Variants in SORCS3 observed in about 807,000 individuals in gnomAD.
The protein encoded by SORCS3 is VPS10 domain-containing receptor SorCS3.
SORCS3 carries 57 observed loss-of-function variants against 146.3 expected under a neutral mutation model. That is an observed-to-expected ratio of 0.39 (90% confidence interval 0.31 to 0.49). The LOEUF (loss-of-function observed/expected upper bound fraction) is 0.49, where lower values mean the gene tolerates loss of function less well. SORCS3 is among the 20% of genes least tolerant of loss of function. The pLI is 0.92. For missense variants in SORCS3, 1,341 were observed against 1,575.5 expected, an observed-to-expected ratio of 0.85 and a Z score of 2.52; for synonymous variants, 653 against 618.5, an observed-to-expected ratio of 1.06 and a Z score of -0.83.
At chr10:104,737,622 G>A (rs932319899) in intron 1 of SORCS3, among the ~76,000 whole-genome samples, 1 of 152,076 alleles carries the variant, frequency 6.6e-6, no homozygotes, top group Non-Finnish European at 1.5e-5. Context: ...TTTTTGATGG[G>A]GTTGTTTGCT....
intron 20 of SORCS3, among the ~76,000 whole-genome samples, chr10:105,231,147 T>C (rs2056763204): frequency 6.6e-6 from 1 of 152,232 alleles, no homozygotes; most frequent in South Asian, 2.1e-4. Context: ...ATGTGCTTCC[T>C]GTTACTTCTC....
intron 1 of SORCS3, among the ~76,000 whole-genome samples, chr10:104,757,988 G>A (rs1397993665): frequency 1.3e-5 from 2 of 152,020 alleles, no homozygotes; most frequent in African/African-American, 4.8e-5. Context: ...TTTGCAGGAG[G>A]AACTCACATC....
intron 16 of SORCS3, among the ~76,000 whole-genome samples, chr10:105,207,940 T>G (rs552992085): frequency 6.6e-6 from 1 of 152,234 alleles, no homozygotes; most frequent in South Asian, 2.1e-4. Context: ...ATCCCTAGGG[T>G]TAATGGGACA....
intron 2 of SORCS3, among the ~76,000 whole-genome samples, chr10:104,859,773 C>A (rs1213405004): frequency 6.6e-6 from 1 of 152,022 alleles, no homozygotes; most frequent in South Asian, 2.1e-4. Flanking sequence ...TGAACAGACA[C>A]TTCTCAAAAG....
intron 1 of SORCS3, 68 bp downstream of exon 1, chr10:104,642,022 G>GGCCCCC: frequency 1.7e-5 from 3 of 173,334 alleles, no homozygotes; most frequent in African/African-American, 4.4e-5. Context: ...GGGTGGGTGG[G>GGCCCCC]AGCGAGGGAC....
In SORCS3 at chr10:105,262,481, G is replaced by T. The variant is rs148855365; in HGVS notation, c.3594G>T (p.Thr1198=). 1.8e-4 allele frequency: 283 copies of T among 1,613,416 alleles called. No homozygotes were observed. Among genetic ancestry groups the T allele is most frequent in the South Asian group, 9.0e-4 (82 of 91,050 alleles). The stretch of plus-strand genomic sequence containing the variant: ...AGCTGCTGGACAAAGAGCTGGACAC[G>T]CGGGTCATAGGTACATGCTCCTGCT... ...PEELLDKELD[T]RVIGGIATIA... is the part of the protein sequence containing the mutation. Residue 1198 remains threonine (T), a synonymous_variant, in exon 26 of 27, where the codon ACG becomes ACT. Coordinates refer to ENST00000369701, the MANE Select transcript of SORCS3 (RefSeq NM_014978.3).
At chr10:105,201,337 A>G (rs2056573568) in intron 16 of SORCS3, 84 bp downstream of exon 16, 2 of 1,494,740 alleles carry the variant, frequency 1.3e-6, no homozygotes, top group East Asian at 2.3e-5. Context: ...TGAAGTTAGG[A>G]GAGGAAGCAT....
At chr10:104,647,048 T>C (rs1401314305) in intron 1 of SORCS3, among the ~76,000 whole-genome samples, 1 of 152,068 alleles carries the variant, frequency 6.6e-6, no homozygotes, top group Non-Finnish European at 1.5e-5. Flanking sequence ...GAATTAGAAA[T>C]TGTTGTTGCC....
chr10:104,783,980 C>T (rs2017404022), intron 1 of SORCS3, among the ~76,000 whole-genome samples: 1 of 152,200 alleles, frequency 6.6e-6, no homozygotes, highest in South Asian at 2.1e-4. Context: ...TGGGAAAATA[C>T]TGTGTATTAT....
At chr10:104,779,285 G>C (rs1276506643) in intron 1 of SORCS3, among the ~76,000 whole-genome samples, 1 of 152,130 alleles carries the variant, frequency 6.6e-6, no homozygotes, top group African/African-American at 2.4e-5. Context: ...CCATGCTGTG[G>C]TCTTTTGTTG....
intron 1 of SORCS3, among the ~76,000 whole-genome samples, chr10:104,803,721 G>T (rs1453488802): frequency 6.6e-6 from 1 of 152,074 alleles, no homozygotes; most frequent in Non-Finnish European, 1.5e-5. Flanking sequence ...GAGTCCCCAG[G>T]CTCATTTATT....
intron 4 of SORCS3, among the ~76,000 whole-genome samples, chr10:104,993,057 G>A (rs1017810087): frequency 2.0e-5 from 3 of 152,132 alleles, no homozygotes; most frequent in African/African-American, 7.2e-5. Flanking sequence ...TGACTGCCTA[G>A]AAGTCACAGG....
chr10:104,809,520 T>C (rs1408955120), intron 1 of SORCS3, among the ~76,000 whole-genome samples: 1 of 152,214 alleles, frequency 6.6e-6, no homozygotes, highest in African/African-American at 2.4e-5. Flanking sequence ...TCATATTGTT[T>C]TGGGCAAAAC....
At chr10:105,122,419 G>A (rs2055940137) in intron 7 of SORCS3, among the ~76,000 whole-genome samples, 1 of 152,216 alleles carries the variant, frequency 6.6e-6, no homozygotes, top group South Asian at 2.1e-4. Context: ...GAGCAGCAGA[G>A]ACAGATGTTA....
At position 105,043,082 on chromosome 10, in the gene SORCS3, C is replaced by T. The variant is rs1564741136; in HGVS notation, c.982C>T (p.Arg328Trp). Residue 328 changes from arginine (R) to tryptophan (W), a missense_variant, in exon 5 of 27, where the codon CGG becomes TGG. Arg to Trp is a moderately radical substitution (Grantham distance 101). Coordinates refer to ENST00000369701, the MANE Select transcript of SORCS3 (RefSeq NM_014978.3). ...CTACAGCTCCATGGACTTTGGAAGA[C>T]GGTGGCAACTCATGCATGAACGCAT... ...KLYSSMDFGR[R>W]WQLMHERITP... 17 of 1,613,664 alleles carry T rather than the reference C, an allele frequency of 1.1e-5. No individual in the cohort carries two copies. Among genetic ancestry groups the T allele is most frequent in the African/African-American group, 1.3e-5 (1 of 74,878 alleles).
At chr10:105,008,310 T>C (rs1269721222) in intron 4 of SORCS3, among the ~76,000 whole-genome samples, 7 of 152,190 alleles carry the variant, frequency 4.6e-5, no homozygotes, top group African/African-American at 1.7e-4. Flanking sequence ...GATCTGTTCT[T>C]GGATGAAGGT....
At position 105,264,163 on chromosome 10, in the gene SORCS3, C is replaced by A. The variant is rs1361065157; in HGVS notation, c.*789C>A. 1 of 150,634 alleles carries A rather than the reference C, an allele frequency of 6.6e-6. No individual in the cohort carries two copies. Among genetic ancestry groups the A allele is most frequent in the Admixed American group, 6.6e-5 (1 of 15,070 alleles). The allele number at this position is 150,634 out of a possible 1,614,324, so 9.3% of individuals were successfully genotyped here. On this transcript the variant is annotated 3_prime_UTR_variant, in exon 27 of 27. Coordinates refer to ENST00000369701, the MANE Select transcript of SORCS3 (RefSeq NM_014978.3). ...TAAAGGGGGGTGGGGGGAGGGGCTT[C>A]TCTGGGGCAATTGATAAAGGAAGGA...
chr10:105,008,299 T>A (rs185456908), intron 4 of SORCS3, among the ~76,000 whole-genome samples: 255 of 152,258 alleles, frequency 1.7e-3, no homozygotes, highest in Non-Finnish European at 3.1e-3. Flanking sequence ...AAATACTTAA[T>A]GATCTGTTCT....
intron 20 of SORCS3, among the ~76,000 whole-genome samples, chr10:105,242,391 T>C (rs1589705611): frequency 9.1e-6 from 1 of 109,794 alleles, no homozygotes; most frequent in Admixed American, 1.2e-4. Context: ...TATATATATT[T>C]ATATATTTAT....
Sources: gnomAD v4.1 joint callset for allele counts (sites outside exome capture counted in the v4.1 genomes callset) on GRCh38, gnomAD v4.1.1 for gene constraint, MANE v1.5 for transcripts, NCBI Gene and HGNC (gene_info 2026-07-23, HGNC 2026-07-21) for gene names.